The following DPP10 variants were observed in gnomAD, a reference collection of about 807,000 sequenced individuals.
DPP10 encodes inactive dipeptidyl peptidase 10.
Under a neutral mutation model 120.9 loss-of-function variants are expected in DPP10, and 33 were observed. The observed-to-expected ratio is 0.27, with a 90% CI of 0.21 to 0.37. DPP10 has a LOEUF of 0.37. Among genes scored for constraint, DPP10 ranks in the 10% least tolerant of loss-of-function variants. The probability of loss-of-function intolerance (pLI) is 1.00; values close to 1 mark genes in which losing one functional copy is unlikely to be tolerated. For synonymous variants in DPP10, 337 were observed against 326.1 expected, an observed-to-expected ratio of 1.03 and a Z score of -0.36; for missense variants, 816 against 942.8, an observed-to-expected ratio of 0.87 and a Z score of 1.76.
At chr2:115,515,115 A>G (rs986746605) in intron 4 of DPP10, among the ~76,000 whole-genome samples, 1 of 151,960 alleles carries the variant, frequency 6.6e-6, no homozygotes, top group South Asian at 2.1e-4. Context: ...ATAGCACCAT[A>G]AAGTGTTCTT....
intron 2 of DPP10, among the ~76,000 whole-genome samples, chr2:115,311,211 CCTT>C (rs2061561914): frequency 6.6e-6 from 1 of 152,142 alleles, no homozygotes; most frequent in African/African-American, 2.4e-5. Flanking sequence ...AGTTATTTAA[CCTT>C]CTCTCTCACT....
chr2:114,831,022 A>ATTTTT lies in DPP10; in HGVS notation c.60+388216_60+388220dup, dbSNP rs70941010. Among the ~76,000 whole-genome samples, 7 of 45,922 alleles carry ATTTTT rather than the reference A, an allele frequency of 1.5e-4. 1 individual carries two copies. The highest frequency in any genetic ancestry group is 6.0e-4 in the African/African-American group (7 of 11,580). The allele number at this position is 45,922 out of a possible 152,430, so 30.1% of individuals were successfully genotyped here. A position where few individuals can be genotyped will look rare whatever the true frequency, so the allele number is the denominator to read the frequency against. On this transcript the variant is annotated intron_variant, in intron 1 of 25. Transcript: ENST00000410059. ...GGAATATTTAAACATCCATGCAAAG[A>ATTTTT]TTTTTTTTTTTTTTTTTTTTTTTTT...
intron 3 of DPP10, among the ~76,000 whole-genome samples, chr2:115,387,960 A>G (rs1292003932): frequency 6.6e-6 from 1 of 152,216 alleles, no homozygotes; most frequent in African/African-American, 2.4e-5. Flanking sequence ...GTCAGGGACA[A>G]CTTCTCTGGT....
chr2:115,780,376 G>C (rs1164504322), intron 15 of DPP10, among the ~76,000 whole-genome samples: 3 of 151,768 alleles, frequency 2.0e-5, no homozygotes, highest in African/African-American at 7.2e-5. Flanking sequence ...AAATGATGGG[G>C]AAAATTTGGC....
intron 1 of DPP10, among the ~76,000 whole-genome samples, chr2:114,901,292 G>A (rs961137491): frequency 6.6e-6 from 1 of 152,112 alleles, no homozygotes; most frequent in Non-Finnish European, 1.5e-5. Context: ...CCACCTCCTG[G>A]GTTCATGCCA....
chr2:115,311,652 G>T (rs929325322), intron 2 of DPP10, among the ~76,000 whole-genome samples: 2 of 151,956 alleles, frequency 1.3e-5, no homozygotes, highest in African/African-American at 4.8e-5. Context: ...CTCCAATCCC[G>T]TTACACAAAT....
intron 1 of DPP10, among the ~76,000 whole-genome samples, chr2:114,989,394 T>G (rs1047431411): frequency 1.3e-5 from 2 of 152,118 alleles, no homozygotes. Flanking sequence ...ACAGAGGAAG[T>G]GAACGGTGCT....
intron 7 of DPP10, among the ~76,000 whole-genome samples, chr2:115,696,774 C>T: frequency 6.6e-6 from 1 of 152,018 alleles, no homozygotes; most frequent in Non-Finnish European, 1.5e-5. Flanking sequence ...ATTTAAAAAG[C>T]TAAGATATTT....
chr2:115,174,012 G>A (rs1157447675), intron 1 of DPP10, among the ~76,000 whole-genome samples: 1 of 152,164 alleles, frequency 6.6e-6, no homozygotes, highest in African/African-American at 2.4e-5. Flanking sequence ...TGATGATGTC[G>A]ATAAAGAAAA....
intron 1 of DPP10, among the ~76,000 whole-genome samples, chr2:115,279,062 G>A (rs901654331): frequency 7.2e-5 from 11 of 152,238 alleles, no homozygotes; most frequent in South Asian, 4.1e-4. Flanking sequence ...CACCAAAAGC[G>A]CAAGCAATGA....
intron 1 of DPP10, among the ~76,000 whole-genome samples, chr2:115,072,571 C>G (rs1051549755): frequency 1.3e-5 from 2 of 152,138 alleles, no homozygotes; most frequent in Non-Finnish European, 2.9e-5. Flanking sequence ...ACTGAATTAA[C>G]ACTTTGCTTA....
intron 1 of DPP10, among the ~76,000 whole-genome samples, chr2:115,063,396 A>T (rs113684401): frequency 0.16 from 24,825 of 152,076 alleles, 2,299 homozygotes; most frequent in African/African-American, 0.27. Context: ...GTTTAATTAG[A>T]TCCCTTTTGT....
At chr2:114,726,300 G>T (rs762375245) in intron 1 of DPP10, among the ~76,000 whole-genome samples, 19 of 151,464 alleles carry the variant, frequency 1.3e-4, no homozygotes, top group Non-Finnish European at 2.8e-4. Context: ...CCAGCCATAT[G>T]GTTCAGATGA....
chr2:114,789,221 A>G (rs1683038547), intron 1 of DPP10, among the ~76,000 whole-genome samples: 1 of 152,244 alleles, frequency 6.6e-6, no homozygotes, highest in African/African-American at 2.4e-5. Flanking sequence ...ATACAAAAGC[A>G]AAAACTTAAC....
intron 1 of DPP10, among the ~76,000 whole-genome samples, chr2:115,052,685 C>T (rs1215389137): frequency 6.6e-6 from 1 of 152,160 alleles, no homozygotes; most frequent in Non-Finnish European, 1.5e-5. Flanking sequence ...GGCGTGGTGG[C>T]TCACACCTAT....
At chr2:114,743,056 T>G (rs1383183723) in intron 1 of DPP10, among the ~76,000 whole-genome samples, 1 of 152,206 alleles carries the variant, frequency 6.6e-6, no homozygotes. Context: ...ATCACTATGG[T>G]TCAGAGAATC....
At chr2:115,747,531 C>T (rs575177743) in intron 10 of DPP10, among the ~76,000 whole-genome samples, 5 of 151,794 alleles carry the variant, frequency 3.3e-5, no homozygotes, top group African/African-American at 1.2e-4. Flanking sequence ...CACATGTCTA[C>T]CACCATTTCA....
chr2:115,013,041 A>G (rs972332176), intron 1 of DPP10, among the ~76,000 whole-genome samples: 1 of 152,154 alleles, frequency 6.6e-6, no homozygotes, highest in African/African-American at 2.4e-5. Context: ...TGTCGTTATG[A>G]TGCTGCCTGG....
In DPP10 at chr2:114,608,121, T is replaced by C. The variant is rs1336084541; in HGVS notation, c.60+165283T>C. Among the ~76,000 whole-genome samples the C allele has an allele frequency of 2.0e-5, 3 of 152,222 alleles. 1 individual carries two copies. The highest frequency in any genetic ancestry group is 7.2e-5 in the African/African-American group (3 of 41,468). On this transcript the variant is annotated intron_variant, in intron 1 of 25. Transcript: ENST00000410059. ...TCCAAACACAAGTATTTACTGGTCCTGACTAAGAGACTTGGCTTATAGGGG... is the reference window on the plus strand; with the variant it reads ...TCCAAACACAAGTATTTACTGGTCCCGACTAAGAGACTTGGCTTATAGGGG...
Sources: gnomAD v4.1 joint callset for allele counts (sites outside exome capture counted in the v4.1 genomes callset) on GRCh38, gnomAD v4.1.1 for gene constraint, MANE v1.5 for transcripts, NCBI Gene and HGNC (gene_info 2026-07-23, HGNC 2026-07-21) for gene names.